The following ZNF273 variants were observed in gnomAD, a reference collection of about 807,000 sequenced individuals.
ZNF273 encodes zinc finger protein 273, also known as zinc finger protein 9.
In ZNF273, 11 loss-of-function variants were observed where a neutral mutation model predicts 14.9. The ratio of observed to expected loss-of-function variants is 0.74; its 90% CI spans 0.46 to 1.22. The LOEUF is 1.22. Among genes scored for constraint, ZNF273 ranks in the 50% most tolerant of loss-of-function variants. The pLI is 0.00. For synonymous variants in ZNF273, 199 were observed against 223.9 expected (o/e 0.89, Z 0.99); for missense variants, 577 against 660.6 (o/e 0.87, Z 1.39).
intron 1 of ZNF273, among the ~76,000 whole-genome samples, chr7:64,887,799 T>G (rs74640112): frequency 2.7e-5 from 4 of 148,678 alleles, no homozygotes; most frequent in Admixed American, 6.7e-5. Flanking sequence ...TGCCCTGTCT[T>G]TTTTTTTTTT....
At chr7:64,923,824 T>G in intron 3 of ZNF273, 1 of 152,968 alleles carries the variant, frequency 6.5e-6, no homozygotes, top group Non-Finnish European at 1.5e-5. Flanking sequence ...AGTCTCCTTT[T>G]TTTTTTTACC....
At chr7:64,879,152 G>A (rs1444424788) in intron 2 of ZNF273, among the ~76,000 whole-genome samples, 2 of 152,144 alleles carry the variant, frequency 1.3e-5, no homozygotes, top group African/African-American at 4.8e-5. Context: ...CTTTCATTGG[G>A]TTGTTGCTGG....
chr7:64,885,173 G>A (rs1037533488), intron 1 of ZNF273, among the ~76,000 whole-genome samples: 5 of 152,214 alleles, frequency 3.3e-5, no homozygotes, highest in Non-Finnish European at 4.4e-5. Context: ...GGGGATCCAC[G>A]GGATAGTCCC....
chr7:64,928,435 T>G lies in ZNF273; in HGVS notation c.1107T>G (p.Thr369=). ...TTACTAAACATAAGAGAATTCATAC[T>G]GGAGAGAAACCCTACAAATGTGAAG... ...STLTKHKRIH[T]GEKPYKCEEC... Residue 369 remains threonine, a synonymous_variant, in exon 4 of 4, where the codon ACT becomes ACG. Transcript: ENST00000476120. 1 of 1,613,510 alleles carries G rather than the reference T, an allele frequency of 6.2e-7. No individual in the cohort carries two copies. Among genetic ancestry groups the G allele is most frequent in the Non-Finnish European group, 8.5e-7 (1 of 1,179,882 alleles).
chr7:64,886,918 T>A (rs947767690), intron 1 of ZNF273, among the ~76,000 whole-genome samples: 8 of 152,212 alleles, frequency 5.3e-5, no homozygotes, highest in Non-Finnish European at 1.0e-4. Context: ...ATGGTCCCCA[T>A]GTGGAAGTCT....
Position 64,918,311 on chromosome 7 carries a change from G to A in ZNF273, c.325+19G>A, listed in dbSNP as rs377065028. 11 of 1,531,888 alleles carry A rather than the reference G, an allele frequency of 7.2e-6. No individual in the cohort carries two copies. The highest frequency in any genetic ancestry group is 2.6e-5 in the East Asian group (1 of 38,244). 94.9% of individuals were successfully genotyped at this position (1,531,888 alleles called of 1,614,324 possible). The stretch of plus-strand genomic sequence containing the variant: ...CCCCCAGGTAGGTGAGAGTGATAGC[G>A]AATATAACAGATGACACAGATGACA... On this transcript the variant is annotated intron_variant, in intron 3 of 3. Coordinates refer to ENST00000476120, the MANE Select transcript of ZNF273 (RefSeq NM_021148.3).
At chr7:64,926,615 TTGA>T (rs1446177435) in intron 3 of ZNF273, among the ~76,000 whole-genome samples, 1 of 152,194 alleles carries the variant, frequency 6.6e-6, no homozygotes, top group African/African-American at 2.4e-5. Context: ...TATAATGTTT[TTGA>T]TGAGGCCATG....
At chr7:64,934,732 CAGGT>C (rs1166030183), downstream of ZNF273, among the ~76,000 whole-genome samples, 3 of 151,904 alleles carry the variant, frequency 2.0e-5, no homozygotes, top group Non-Finnish European at 4.4e-5. Flanking sequence ...ATTTCAAAGT[CAGGT>C]AGGGTAATAA....
At chr7:64,877,719 TC>T (rs1791153690) in exon 1 of ZNF273, 1 of 152,344 alleles carries the variant, frequency 6.6e-6, no homozygotes, top group South Asian at 2.1e-4. Context: ...AGTCCCGCGA[TC>T]CTAGAAGTGT....
chr7:64,899,951 G>T (rs1031578406), upstream of ZNF273, among the ~76,000 whole-genome samples: 1 of 151,716 alleles, frequency 6.6e-6, no homozygotes, highest in Admixed American at 6.6e-5. Context: ...GTAGAGACGG[G>T]GTTTCTCCAT....
At chr7:64,904,625 A>G (rs1562956070) in intron 1 of ZNF273, among the ~76,000 whole-genome samples, 1 of 152,192 alleles carries the variant, frequency 6.6e-6, no homozygotes, top group Non-Finnish European at 1.5e-5. Flanking sequence ...CGAAATGCCA[A>G]CTTCCTCATC....
downstream of ZNF273, chr7:64,889,330 T>C: frequency 2.1e-6 from 2 of 958,376 alleles, no homozygotes; most frequent in Non-Finnish European, 1.2e-6. This position sits in a 1 kb window ranked among gnomAD's most constrained non-coding sequence, Gnocchi z 4.2. Context: ...ACCCACCGCG[T>C]CCCCTCCGCC....
At chr7:64,893,707 C>G (rs1308999224), downstream of ZNF273, 2 of 135,346 alleles carry the variant, frequency 1.5e-5, no homozygotes, top group African/African-American at 5.6e-5. Flanking sequence ...CTCCCCCTCC[C>G]CTCCCTTCCC....
intron 1 of ZNF273, among the ~76,000 whole-genome samples, chr7:64,908,641 T>C (rs1793279919): frequency 6.6e-6 from 1 of 152,110 alleles, no homozygotes; most frequent in African/African-American, 2.4e-5. Context: ...TTAAAAATAG[T>C]GACAGGGTTT....
rs1182502200 is a variant in ZNF273, at chr7:64,888,236, GC to G, written n.274-335del. ...GCTGCTGCTGCTGCCCCACCCTCCA[GC>G]CAGAGGAGGGCGCTCCCTCGTCAGA... On this transcript the variant is annotated intron_variant and non_coding_transcript_variant, in intron 1 of 1. Transcript: ENST00000471926. 1.1e-5 allele frequency: 10 copies of G among 935,296 alleles called. No individual in the cohort carries two copies. The East Asian group carries it at 1.1e-3, about 99-fold the overall frequency. The allele number at this position is 935,296 out of a possible 1,614,324, so 57.9% of individuals were successfully genotyped here.
chr7:64,892,046 C>T (rs1360063611), downstream of ZNF273, among the ~76,000 whole-genome samples: 3 of 152,178 alleles, frequency 2.0e-5, no homozygotes, highest in African/African-American at 7.2e-5. Context: ...ATGACCCTGG[C>T]TCCTAGGTGT....
At chr7:64,911,990 T>C (rs998465368) in intron 1 of ZNF273, among the ~76,000 whole-genome samples, 1 of 152,202 alleles carries the variant, frequency 6.6e-6, no homozygotes, top group African/African-American at 2.4e-5. Context: ...TTTACCCAAA[T>C]ATCATTCAAG....
chr7:64,922,170 T>A (rs1032556885), intron 3 of ZNF273, among the ~76,000 whole-genome samples: 1 of 151,354 alleles, frequency 6.6e-6, no homozygotes, highest in Non-Finnish European at 1.5e-5. Context: ...CGAGATAGGA[T>A]CTCATTCCAT....
chr7:64,922,766 G>A (rs1355809977), intron 3 of ZNF273, among the ~76,000 whole-genome samples: 1 of 150,942 alleles, frequency 6.6e-6, no homozygotes, highest in African/African-American at 2.4e-5. Context: ...GGGGTTTGAG[G>A]CCAGCCTGGC....
Sources: gnomAD v4.1 joint callset for allele counts (sites outside exome capture counted in the v4.1 genomes callset) on GRCh38, gnomAD v4.1.1 for gene constraint, Gnocchi (gnomAD v3.1) non-coding constraint, MANE v1.5 for transcripts, NCBI Gene and HGNC (gene_info 2026-07-23, HGNC 2026-07-21) for gene names.